Variants in SEMA5A observed in about 807,000 individuals in gnomAD.
SEMA5A encodes the protein semaphorin-5A.
SEMA5A carries 55 observed loss-of-function variants against 135.5 expected under a neutral mutation model. That is an observed-to-expected ratio of 0.41 (90% CI 0.33 to 0.51). The LOEUF (loss-of-function observed/expected upper bound fraction) is 0.51, where lower values mean the gene tolerates loss of function less well. Among genes scored for constraint, SEMA5A ranks in the 20% least tolerant of loss-of-function variants. The pLI is 0.37. For missense variants in SEMA5A, 1,290 were observed against 1,419.9 expected (o/e 0.91, Z 1.47); for synonymous variants, 580 against 546.5 (o/e 1.06, Z -0.85).
intron 19 of SEMA5A, among the ~76,000 whole-genome samples, chr5:9,052,853 G>T (rs80123099): frequency 0.045 from 6,775 of 152,100 alleles, 245 homozygotes; most frequent in Middle Eastern, 0.12. Flanking sequence ...TTTTAATCAG[G>T]ATAAAAAGGT....
At chr5:9,487,475 C>G (rs1395366262) in intron 1 of SEMA5A, among the ~76,000 whole-genome samples, 1 of 151,964 alleles carries the variant, frequency 6.6e-6, no homozygotes, top group South Asian at 2.1e-4. Flanking sequence ...TAAGCTCAGG[C>G]GTCAAGGCTG....
chr5:9,281,390 C>T (rs1448000610), intron 5 of SEMA5A, among the ~76,000 whole-genome samples: 2 of 152,180 alleles, frequency 1.3e-5, no homozygotes, highest in African/African-American at 4.8e-5. Flanking sequence ...CCCCAGGGGA[C>T]ATTCAGCAGT....
intron 1 of SEMA5A, among the ~76,000 whole-genome samples, chr5:9,476,672 T>C (rs1759678594): frequency 6.6e-6 from 1 of 152,182 alleles, no homozygotes; most frequent in African/African-American, 2.4e-5. Flanking sequence ...ACACTATGCC[T>C]TATTATTTTT....
At position 9,129,766 on chromosome 5, in the gene SEMA5A, G is replaced by A. The variant is rs151004011; in HGVS notation, c.1599+6738C>T. ...ACATATACCATGTAGTGGTAGTTTC[G>A]TGTATGCCAGGCACTGTGCTTTACA... On this transcript the variant is annotated intron_variant, in intron 13 of 22. Coordinates refer to ENST00000382496, the MANE Select transcript of SEMA5A (RefSeq NM_003966.3). Among the ~76,000 whole-genome samples, 155 of 152,216 alleles carry A rather than the reference G, an allele frequency of 1.0e-3. 2 individuals are homozygous for A. The highest frequency in any genetic ancestry group is 3.2e-3 in the African/African-American group (132 of 41,534).
intron 5 of SEMA5A, among the ~76,000 whole-genome samples, chr5:9,304,251 C>T (rs1214558204): frequency 1.3e-5 from 2 of 152,032 alleles, no homozygotes; most frequent in African/African-American, 4.8e-5. Flanking sequence ...ATAATTAACA[C>T]TTTCTCTTTG....
At chr5:9,512,417 C>T (rs1736257944) in intron 1 of SEMA5A, among the ~76,000 whole-genome samples, 1 of 152,180 alleles carries the variant, frequency 6.6e-6, no homozygotes, top group South Asian at 2.1e-4. Context: ...GAAGCCAGAG[C>T]TCAGTGCATA....
intron 1 of SEMA5A, among the ~76,000 whole-genome samples, chr5:9,440,927 GA>G (rs1758209624): frequency 1.3e-5 from 2 of 152,194 alleles, no homozygotes; most frequent in South Asian, 4.1e-4. Context: ...AATAAAAATG[GA>G]CAAGACCACC....
intron 16 of SEMA5A, among the ~76,000 whole-genome samples, chr5:9,076,878 G>A (rs889163233): frequency 9.1e-6 from 1 of 110,184 alleles, no homozygotes; most frequent in Non-Finnish European, 2.1e-5. Context: ...TTGTGTGTGT[G>A]TGTGTGTGTG....
At chr5:9,449,886 C>T (rs1171377832) in intron 1 of SEMA5A, among the ~76,000 whole-genome samples, 1 of 152,162 alleles carries the variant, frequency 6.6e-6, no homozygotes, top group Non-Finnish European at 1.5e-5. Flanking sequence ...CTAGGCCTAC[C>T]TTGATCCCAT....
chr5:9,414,496 G>GC (rs1421082569), intron 2 of SEMA5A, among the ~76,000 whole-genome samples: 1 of 152,166 alleles, frequency 6.6e-6, no homozygotes, highest in Non-Finnish European at 1.5e-5. Flanking sequence ...TAAATAGATG[G>GC]AAATAGGTTC....
chr5:9,243,690 G>T (rs183721914), intron 5 of SEMA5A, among the ~76,000 whole-genome samples: 1 of 152,164 alleles, frequency 6.6e-6, no homozygotes, highest in African/African-American at 2.4e-5. Flanking sequence ...CGTTTAATGT[G>T]AGAGGTACTA....
Position 9,130,891 on chromosome 5 carries a change from A to T in SEMA5A, c.1599+5613T>A, listed in dbSNP as rs138176658. The stretch of plus-strand genomic sequence containing the variant: ...GAATTTAAATCCTGGTTTCTTTCCC[A>T]GTGCAGTTTTGGAACATTTGATAAA... On this transcript the variant is annotated intron_variant, in intron 13 of 22. Coordinates refer to ENST00000382496, the MANE Select transcript of SEMA5A (RefSeq NM_003966.3). Among the ~76,000 whole-genome samples the T allele has an allele frequency of 7.9e-5, 12 of 152,288 alleles. No individual in the cohort carries two copies. The East Asian group carries it at 2.3e-3, about 29-fold the overall frequency.
chr5:9,171,323 CCT>C, intron 11 of SEMA5A, among the ~76,000 whole-genome samples: 1 of 152,082 alleles, frequency 6.6e-6, no homozygotes, highest in Non-Finnish European at 1.5e-5. Flanking sequence ...CTGTGGACTT[CCT>C]AGGCAGGAAA....
At chr5:9,128,181 G>A (rs1264441185) in intron 13 of SEMA5A, among the ~76,000 whole-genome samples, 1 of 152,164 alleles carries the variant, frequency 6.6e-6, no homozygotes, top group Non-Finnish European at 1.5e-5. Context: ...TCTGTGGTGA[G>A]TTGGGCTGGC....
chr5:9,057,988 C>A (rs1458375185), intron 18 of SEMA5A, among the ~76,000 whole-genome samples: 1 of 152,096 alleles, frequency 6.6e-6, no homozygotes, highest in Non-Finnish European at 1.5e-5. Context: ...AAATAGCCTT[C>A]ATCACAAGGG....
At chr5:9,214,468 TG>T (rs1484533521) in intron 8 of SEMA5A, among the ~76,000 whole-genome samples, 1 of 152,192 alleles carries the variant, frequency 6.6e-6, no homozygotes, top group Non-Finnish European at 1.5e-5. Context: ...AAATTGCACC[TG>T]GAACTGCAGT....
intron 5 of SEMA5A, among the ~76,000 whole-genome samples, chr5:9,302,854 T>G (rs1409143188): frequency 6.6e-6 from 1 of 152,140 alleles, no homozygotes; most frequent in African/African-American, 2.4e-5. Context: ...AAATACTAAT[T>G]ATAATGTAGA....
At chr5:9,302,990 A>G (rs1240029570) in intron 5 of SEMA5A, among the ~76,000 whole-genome samples, 1 of 152,174 alleles carries the variant, frequency 6.6e-6, no homozygotes, top group Admixed American at 6.5e-5. Flanking sequence ...AAATTATGGT[A>G]AAGTATAAAA....
intron 5 of SEMA5A, among the ~76,000 whole-genome samples, chr5:9,249,289 G>C (rs1463738746): frequency 6.6e-6 from 1 of 152,192 alleles, no homozygotes; most frequent in Non-Finnish European, 1.5e-5. Context: ...ACCAGGAAGA[G>C]AAATATGATC....
Sources: allele counts gnomAD v4.1 joint callset (sites outside exome capture counted in the v4.1 genomes callset), GRCh38; gene constraint gnomAD v4.1.1; transcripts MANE v1.5; gene names NCBI Gene and HGNC (gene_info 2026-07-23, HGNC 2026-07-21).